The following MTSS1 variants were observed in gnomAD, a reference collection of about 807,000 sequenced individuals.
The protein encoded by MTSS1 is protein MTSS 1.
MTSS1 carries 18 observed loss-of-function variants against 79.0 expected under a neutral mutation model. The observed-to-expected ratio is 0.23, with a 90% CI of 0.16 to 0.34. MTSS1 has a LOEUF of 0.34. Ranked by LOEUF, MTSS1 falls within the 10% of genes least tolerant of loss-of-function variation. The pLI is 1.00. For synonymous variants in MTSS1, 341 were observed against 368.6 expected (o/e 0.93, Z 0.86); for missense variants, 815 against 986.2 (o/e 0.83, Z 2.33).
chr8:124,675,126 G>A (rs1361304968), intron 3 of MTSS1, among the ~76,000 whole-genome samples: 1 of 152,264 alleles, frequency 6.6e-6, no homozygotes, highest in Non-Finnish European at 1.5e-5. Context: ...CAGGTATGTG[G>A]AGGAGCTTTG....
At chr8:124,615,351 C>A (rs980398337) in intron 3 of MTSS1, among the ~76,000 whole-genome samples, 1 of 151,922 alleles carries the variant, frequency 6.6e-6, no homozygotes. Flanking sequence ...TGGGGATGAA[C>A]AGATAAACAT....
Position 124,557,770 on chromosome 8 carries a change from G to A in MTSS1, c.1141C>T (p.Arg381Trp), listed in dbSNP as rs150097928. Residue 381 changes from arginine to tryptophan, a missense_variant, in exon 11 of 14, where the codon CGG becomes TGG. Physicochemically the swap from Arg to Trp is moderately radical, Grantham distance 101. This residue lies in a region of MTSS1 where 590 missense variants were observed against 620.8 expected (regional missense o/e 0.95). Coordinates refer to ENST00000518547, the MANE Select transcript of MTSS1 (RefSeq NM_014751.6). ...HCLPASRLLP[R>W]VTSVHLPDYA... is the part of the protein sequence containing the mutation. ...TCTGGAAGGTGGACAGAGGTGACCC[G>A]AGGGAGCAGGCGGGAGGCAGGCAGG... 269 of 1,606,330 alleles carry A rather than the reference G, an allele frequency of 1.7e-4. No individual in the cohort carries two copies. In the African/African-American group the frequency reaches 3.3e-3, roughly 19 times the overall value.
intron 3 of MTSS1, among the ~76,000 whole-genome samples, chr8:124,693,539 CA>C (rs1828294386): frequency 6.6e-6 from 1 of 152,182 alleles, no homozygotes; most frequent in African/African-American, 2.4e-5. Context: ...ACTAAGCCAT[CA>C]GCAATTTTCT....
chr8:124,629,724 C>T (rs1418854082), intron 3 of MTSS1, among the ~76,000 whole-genome samples: 7 of 151,960 alleles, frequency 4.6e-5, no homozygotes, highest in African/African-American at 1.7e-4. Context: ...TAGTTTCCAT[C>T]GTAACACACA....
At chr8:124,609,901 G>A (rs1000408355) in intron 3 of MTSS1, among the ~76,000 whole-genome samples, 1 of 150,496 alleles carries the variant, frequency 6.6e-6, no homozygotes, top group Non-Finnish European at 1.5e-5. Context: ...CTCCTGGGGT[G>A]GGGGGAAATG....
intron 3 of MTSS1, among the ~76,000 whole-genome samples, chr8:124,665,254 T>C (rs1822842201): frequency 2.0e-5 from 3 of 152,248 alleles, no homozygotes; most frequent in African/African-American, 7.2e-5. Context: ...ATCTTTGGAA[T>C]TCTTTAAAGA....
intron 3 of MTSS1, among the ~76,000 whole-genome samples, chr8:124,598,440 G>T (rs926662886): frequency 6.6e-6 from 1 of 152,116 alleles, no homozygotes; most frequent in Non-Finnish European, 1.5e-5. Context: ...GGGCAAACTC[G>T]TCCCTGGTGA....
chr8:124,630,507 C>T (rs1815715569), intron 3 of MTSS1, among the ~76,000 whole-genome samples: 1 of 152,246 alleles, frequency 6.6e-6, no homozygotes, highest in Non-Finnish European at 1.5e-5. Flanking sequence ...AGCCCCAGCA[C>T]TGCCTGACCC....
intron 3 of MTSS1, among the ~76,000 whole-genome samples, chr8:124,629,045 G>A (rs1207216873): frequency 6.6e-6 from 1 of 152,184 alleles, no homozygotes; most frequent in Non-Finnish European, 1.5e-5. Flanking sequence ...CAAGTGCTGG[G>A]CACTCATGAG....
intron 6 of MTSS1, among the ~76,000 whole-genome samples, chr8:124,577,051 C>A: frequency 6.6e-6 from 1 of 152,164 alleles, no homozygotes; most frequent in Non-Finnish European, 1.5e-5. Context: ...GAGTAGTGGG[C>A]AAGGCACTCA....
chr8:124,557,634 A>T, intron 11 of MTSS1, 47 bp downstream of exon 11: 1 of 1,496,430 alleles, frequency 6.7e-7, no homozygotes, highest in Non-Finnish European at 9.1e-7. Flanking sequence ...AAGAGGGGTG[A>T]GCACAGAGGC....
chr8:124,703,048 C>T (rs745985242), intron 2 of MTSS1, among the ~76,000 whole-genome samples: 8 of 152,152 alleles, frequency 5.3e-5, no homozygotes, highest in Non-Finnish European at 8.8e-5. Flanking sequence ...CCATAAAATA[C>T]ACCCTTTTTC....
intron 8 of MTSS1, 86 bp downstream of exon 8, chr8:124,566,985 C>A: frequency 9.9e-7 from 1 of 1,007,496 alleles, no homozygotes; most frequent in Non-Finnish European, 1.5e-6. Context: ...CAATTTAAGA[C>A]GTGACACATG....
intron 3 of MTSS1, among the ~76,000 whole-genome samples, chr8:124,611,114 C>A (rs556507016): frequency 1.2e-4 from 18 of 148,640 alleles, no homozygotes; most frequent in Admixed American, 4.0e-4. Context: ...AGACCCCCCC[C>A]CCCCAGCATG....
rs150558034 is a variant in MTSS1 at position 124,665,975 on chromosome 8, G to A, written c.208+33551C>T. Among the ~76,000 whole-genome samples, 542 of 151,992 alleles carry A rather than the reference G, an allele frequency of 3.6e-3. 3 individuals are homozygous for A. The highest frequency in any genetic ancestry group is 0.012 in the African/African-American group (517 of 41,432). On this transcript the variant is annotated intron_variant, in intron 3 of 13. Coordinates refer to ENST00000518547, the MANE Select transcript of MTSS1 (RefSeq NM_014751.6). Reference sequence around the variant, plus strand: ...TTTGGGCAAGTTACTTAACCTAGCTGTGGTCTCCATTGTTTCATCCATAAA... The same window carrying A: ...TTTGGGCAAGTTACTTAACCTAGCTATGGTCTCCATTGTTTCATCCATAAA...
intron 3 of MTSS1, among the ~76,000 whole-genome samples, chr8:124,630,762 A>T (rs1445662059): frequency 6.6e-6 from 1 of 152,230 alleles, no homozygotes; most frequent in Non-Finnish European, 1.5e-5. Context: ...AAATAATGCA[A>T]ATAAAGTACT....
chr8:124,680,224 C>T (rs1825911093), intron 3 of MTSS1, among the ~76,000 whole-genome samples: 1 of 152,218 alleles, frequency 6.6e-6, no homozygotes. Flanking sequence ...ATGTGGAACA[C>T]AAGGGCTGTG....
intron 10 of MTSS1, among the ~76,000 whole-genome samples, chr8:124,559,933 T>C (rs550951910): frequency 2.0e-5 from 3 of 152,316 alleles, no homozygotes; most frequent in South Asian, 4.1e-4. Context: ...GAGGCCAGAA[T>C]CATATTTCTG....
At chr8:124,556,190 GC>G (rs773010137) in intron 12 of MTSS1, 41 bp downstream of exon 12, 7 of 1,613,580 alleles carry the variant, frequency 4.3e-6, no homozygotes, top group Non-Finnish European at 5.1e-6. Flanking sequence ...CCCCAGCCAG[GC>G]TGAGGTGGCC....
Sources: gnomAD v4.1 joint callset for allele counts (sites outside exome capture counted in the v4.1 genomes callset) on GRCh38, gnomAD v4.1.1 for gene constraint, gnomAD v4.1.1 regional missense constraint, MANE v1.5 for transcripts, NCBI Gene and HGNC (gene_info 2026-07-23, HGNC 2026-07-21) for gene names.